AAK1: variants seen among roughly 807,000 people sequenced by gnomAD.
AAK1 encodes the protein AP2-associated protein kinase 1.
Under a neutral mutation model 116.0 loss-of-function variants are expected in AAK1, and 37 were observed. That is an observed-to-expected ratio of 0.32 (90% CI 0.25 to 0.42). The LOEUF (loss-of-function observed/expected upper bound fraction) is 0.42. AAK1 is among the 10% of genes least tolerant of loss of function. AAK1 has a pLI of 1.00. For missense variants in AAK1, 919 were observed against 1,170.6 expected (o/e 0.79, Z 3.14); for synonymous variants, 458 against 439.9 (o/e 1.04, Z -0.51).
chr2:69,499,250 C>T (rs931689216), intron 16 of AAK1, among the ~76,000 whole-genome samples: 4 of 152,178 alleles, frequency 2.6e-5, no homozygotes, highest in Non-Finnish European at 5.9e-5. Flanking sequence ...ACTCTCTAAC[C>T]CTCAGCCCTT....
chr2:69,527,555 G>T (rs1301520585), intron 8 of AAK1, among the ~76,000 whole-genome samples: 1 of 152,046 alleles, frequency 6.6e-6, no homozygotes, highest in Non-Finnish European at 1.5e-5. Context: ...GATACTTAAA[G>T]TTCATATTCT....
At chr2:69,500,694 T>TACACACACAC (rs1355670597) in intron 16 of AAK1, among the ~76,000 whole-genome samples, 12 of 110,110 alleles carry the variant, frequency 1.1e-4, no homozygotes, top group African/African-American at 5.3e-4. Context: ...TATATATATA[T>TACACACACAC]ATATACACAC....
intron 17 of AAK1, among the ~76,000 whole-genome samples, chr2:69,489,605 C>T (rs1026573945): frequency 1.3e-5 from 2 of 152,034 alleles, no homozygotes; most frequent in Non-Finnish European, 2.9e-5. Context: ...ACCAGCCCCA[C>T]CAAAAAAGAG....
intron 5 of AAK1, among the ~76,000 whole-genome samples, chr2:69,537,200 A>G (rs1670510615): frequency 6.6e-6 from 1 of 152,230 alleles, no homozygotes; most frequent in Admixed American, 6.5e-5. Context: ...ACTGATCTTT[A>G]TCTTTCTCAG....
intron 7 of AAK1, 138 bp from the exon 8 acceptor site, chr2:69,530,278 T>C: frequency 1.1e-6 from 1 of 899,812 alleles, no homozygotes; most frequent in Non-Finnish European, 1.6e-6. Context: ...GAAACATGAG[T>C]TTTAGAACCC....
At chr2:69,528,816 A>G (rs767926916) in intron 8 of AAK1, among the ~76,000 whole-genome samples, 6 of 152,230 alleles carry the variant, frequency 3.9e-5, no homozygotes, top group South Asian at 2.1e-4. Context: ...TTTACTGCAT[A>G]AATGTTTTAA....
At chr2:69,616,053 C>T (rs1443347502) in intron 2 of AAK1, among the ~76,000 whole-genome samples, 4 of 152,178 alleles carry the variant, frequency 2.6e-5, no homozygotes, top group African/African-American at 9.7e-5. Flanking sequence ...CTGGGCAACA[C>T]GGCAAAACCC....
In AAK1 at chr2:69,639,852, T is replaced by G. The variant is rs887836556; in HGVS notation, c.163+3026A>C. Reference sequence around the variant, plus strand: ...ACTCGGGGACTCACAGAGAAGAGAGTCCAGGGAAGGAGCATGGCTACCCAA... The same window carrying G: ...ACTCGGGGACTCACAGAGAAGAGAGGCCAGGGAAGGAGCATGGCTACCCAA... On this transcript the variant is annotated intron_variant, in intron 2 of 21. Transcript: ENST00000409085. Among the ~76,000 whole-genome samples the G allele has an allele frequency of 2.6e-5, 4 of 151,194 alleles. No individual in the cohort carries two copies. In the East Asian group the frequency reaches 7.8e-4, roughly 29 times the overall value.
Position 69,519,961 on chromosome 2 carries a change from G to A in AAK1, c.1211-721C>T, listed in dbSNP as rs1016723071. 1.4e-5 allele frequency: 3 copies of A among 209,894 alleles called. No individual in the cohort carries two copies. The South Asian group carries it at 2.7e-4, about 19-fold the overall frequency. 13.0% of individuals were successfully genotyped at this position (209,894 alleles called of 1,614,324 possible). ...TCCTAAAATTGAAAGTAAGTTGTCT[G>A]CTAGTCCAAGCTCTTCAGCCTCTTT... On this transcript the variant is annotated intron_variant, in intron 11 of 21. Coordinates refer to ENST00000409085, the MANE Select transcript of AAK1 (RefSeq NM_014911.5).
chr2:69,569,246 ATACAG>A (rs777592870), intron 2 of AAK1, among the ~76,000 whole-genome samples: 7 of 152,226 alleles, frequency 4.6e-5, no homozygotes, highest in Non-Finnish European at 8.8e-5. Context: ...AATTTCAAAC[ATACAG>A]TAAAGTTGAA....
chr2:69,551,148 T>C (rs1426802220), intron 3 of AAK1, among the ~76,000 whole-genome samples: 1 of 152,018 alleles, frequency 6.6e-6, no homozygotes, highest in African/African-American at 2.4e-5. Context: ...CAAAGCATCT[T>C]TGAAAATAAT....
intron 17 of AAK1, 63 bp from the exon 18 acceptor site, chr2:69,482,875 C>A: frequency 1.0e-6 from 1 of 1,003,476 alleles, no homozygotes; most frequent in Non-Finnish European, 1.5e-6. Context: ...GCCAGCGGAT[C>A]ATTCACTATT....
At chr2:69,600,883 A>G (rs4852289) in intron 2 of AAK1, among the ~76,000 whole-genome samples, 6,760 of 152,320 alleles carry the variant, frequency 0.044, 407 homozygotes, top group East Asian at 0.16. Context: ...AGTCACCCCA[A>G]CTTTCAGCAA....
At chr2:69,481,743 T>C (rs1325344875) in intron 18 of AAK1, 1 of 152,246 alleles carries the variant, frequency 6.6e-6, no homozygotes, top group Non-Finnish European at 1.5e-5. Context: ...ATTCTATTTA[T>C]GGGGCTTAAC....
chr2:69,556,937 T>C lies in AAK1; in HGVS notation c.205A>G (p.Met69Val). 6.2e-7 allele frequency: 1 copy of C among 1,613,910 alleles called. No individual in the cohort carries two copies. Among genetic ancestry groups the C allele is most frequent in the Non-Finnish European group, 8.5e-7 (1 of 1,179,816 alleles). The change falls in exon 3 of 22, where the codon ATG (methionine) becomes GTG (valine). Residue 69 changes from methionine to valine, a missense_variant. Coordinates refer to ENST00000409085, the MANE Select transcript of AAK1 (RefSeq NM_014911.5). Reference protein sequence around the residue: ...IVFLVRTSNGMKCALKRMFVN... With the variant: ...IVFLVRTSNGVKCALKRMFVN... Reference sequence around the variant, plus strand: ...AACATGCGTTTCAAGGCACATTTCATCCCATTGCTTGTCCTCACCAGAAAT... The same window carrying C: ...AACATGCGTTTCAAGGCACATTTCACCCCATTGCTTGTCCTCACCAGAAAT...
chr2:69,525,134 A>G, intron 9 of AAK1, 22 bp from the exon 10 acceptor site: 1 of 1,609,714 alleles, frequency 6.2e-7, no homozygotes, highest in Non-Finnish European at 8.5e-7. Flanking sequence ...CAAACAAAAC[A>G]GAACAAAACA....
intron 2 of AAK1, among the ~76,000 whole-genome samples, chr2:69,627,530 G>C (rs1355696828): frequency 2.0e-5 from 3 of 152,120 alleles, no homozygotes; most frequent in African/African-American, 4.8e-5. Flanking sequence ...TCCAGGAAAA[G>C]GCACCAGCCA....
At chr2:69,561,829 T>C (rs1671655967) in intron 2 of AAK1, among the ~76,000 whole-genome samples, 1 of 152,188 alleles carries the variant, frequency 6.6e-6, no homozygotes, top group Non-Finnish European at 1.5e-5. Flanking sequence ...CTAGAATAAA[T>C]GGAATCCTAC....
chr2:69,643,274 C>T lies in AAK1; in HGVS notation c.-234G>A, dbSNP rs79135006. On this transcript the variant is annotated splice_region_variant and 5_prime_UTR_variant, in exon 2 of 22. Transcript: ENST00000409085. ...AGAAAGCGATTCGTGTAAGTTTAAA[C>T]CTGTGATGACAGAGGAAGAAAGAGA... is the stretch of plus-strand genomic sequence containing the variant. 5.9e-4 allele frequency: 827 copies of T among 1,390,482 alleles called. 4 individuals are homozygous for T. The African/African-American group carries it at 0.011, about 18-fold the overall frequency. 86.1% of individuals were successfully genotyped at this position (1,390,482 alleles called of 1,614,324 possible).
Sources: gnomAD v4.1 joint callset for allele counts (sites outside exome capture counted in the v4.1 genomes callset) on GRCh38, gnomAD v4.1.1 for gene constraint, MANE v1.5 for transcripts, NCBI Gene and HGNC (gene_info 2026-07-23, HGNC 2026-07-21) for gene names.